The following RSRC2 variants were observed in gnomAD, a reference collection of about 807,000 sequenced individuals.
RSRC2 encodes the protein arginine/serine-rich coiled-coil protein 2.
In RSRC2, 5 loss-of-function variants were observed where a neutral mutation model predicts 61.3. The observed-to-expected ratio is 0.08, with a 90% confidence interval of 0.04 to 0.17. RSRC2 has a LOEUF of 0.17. Ranked by LOEUF, RSRC2 falls within the 10% of genes least tolerant of loss-of-function variation. RSRC2 has a pLI of 1.00. For missense variants in RSRC2, 381 were observed against 518.8 expected, an observed-to-expected ratio of 0.73 and a Z score of 2.58; for synonymous variants, 202 against 166.5, an observed-to-expected ratio of 1.21 and a Z score of -1.64.
chr12:122,514,596 AAAG>A, intron 6 of RSRC2: 1 of 1,039,100 alleles, frequency 9.6e-7, no homozygotes, highest in Non-Finnish European at 1.2e-6. Context: ...AAAAAAAAAA[AAAG>A]TTCTCCCATA....
rs899142539 is a variant in RSRC2 at position 122,504,121 on chromosome 12, C to CAAGACTT, written c.*1399_*1405dup. The CAAGACTT allele has an allele frequency of 6.6e-6, 1 of 152,152 alleles. No homozygotes were observed. Among genetic ancestry groups the CAAGACTT allele is most frequent in the African/African-American group, 2.4e-5 (1 of 41,422 alleles). 9.4% of individuals were successfully genotyped at this position (152,152 alleles called of 1,614,324 possible). On this transcript the variant is annotated 3_prime_UTR_variant, in exon 10 of 10. Coordinates refer to ENST00000331738, the MANE Select transcript of RSRC2 (RefSeq NM_023012.6). The stretch of plus-strand genomic sequence containing the variant: ...AAAAAATACCTAATGAGCAAGTTGG[C>CAAGACTT]AAGACTTAATTCCAGCTTTTAAAAT...
chr12:122,514,571 A>G (rs1208814145), intron 6 of RSRC2: 2 of 1,040,516 alleles, frequency 1.9e-6, no homozygotes, highest in Non-Finnish European at 1.2e-6. Flanking sequence ...CGGCCGAAAC[A>G]GCAGAAAATT....
At chr12:122,522,358 T>C in intron 1 of RSRC2, 59 bp from the exon 2 acceptor site, 1 of 1,459,942 alleles carries the variant, frequency 6.8e-7, no homozygotes, top group Non-Finnish European at 9.1e-7. Context: ...GTTTTCAATT[T>C]CTTAAAAGAG....
chr12:122,514,266 G>T lies in RSRC2; in HGVS notation c.725+839C>A, dbSNP rs1220346980. 7.7e-3 allele frequency among the ~76,000 whole-genome samples: 1,062 copies of T among 137,260 alleles called. 4 individuals are homozygous for T. The highest frequency in any genetic ancestry group is 0.011 in the African/African-American group (402 of 37,026). The allele number at this position is 137,260 out of a possible 152,430, so 90.0% of individuals were successfully genotyped here. On this transcript the variant is annotated intron_variant, in intron 6 of 9. Coordinates refer to ENST00000331738, the MANE Select transcript of RSRC2 (RefSeq NM_023012.6). Reference sequence around the variant, plus strand: ...AATTTATTTTTGTGTGTGTGTGTGTGTGTGTTTTTTTTTTTTGAGACTGAG... The same window carrying T: ...AATTTATTTTTGTGTGTGTGTGTGTTTGTGTTTTTTTTTTTTGAGACTGAG...
At chr12:122,521,189 G>A (rs1022888887) in intron 3 of RSRC2, 196 bp downstream of exon 3, 3 of 459,822 alleles carry the variant, frequency 6.5e-6, no homozygotes, top group Admixed American at 7.3e-5. Flanking sequence ...TAAAATTAAA[G>A]TTTTGAAGGT....
chr12:122,516,674 A>G (rs11613678), intron 5 of RSRC2, among the ~76,000 whole-genome samples: 1 of 152,196 alleles, frequency 6.6e-6, no homozygotes, highest in Non-Finnish European at 1.5e-5. Flanking sequence ...AATTAATACA[A>G]CAAATCCAGT....
In RSRC2 at chr12:122,522,158, T is replaced by C; in HGVS notation, c.148A>G (p.Arg50Gly). ...YSRSRSRSRE[R>G]KRKSDNEGRK... ...GAATTCATACCTGACTTTCGTTTTC[T>C]TTCTCTTGACCTTGATCGTGATCTT... Residue 50 changes from arginine (R) to glycine (G), a missense_variant, in exon 2 of 10, where the codon AGA becomes GGA. Physicochemically the swap from Arg to Gly is moderately radical, Grantham distance 125. Transcript: ENST00000331738. 6.2e-7 allele frequency: 1 copy of C among 1,610,498 alleles called. No homozygotes were observed. The highest frequency in any genetic ancestry group is 1.1e-5 in the South Asian group (1 of 90,252).
chr12:122,522,106 A>G (rs1959286919), intron 2 of RSRC2, 37 bp downstream of exon 2: 4 of 1,580,504 alleles, frequency 2.5e-6, no homozygotes. Flanking sequence ...ATCTTATACA[A>G]ATGCTGAGAG....
rs1444568138 is a variant in RSRC2, at chr12:122,515,139, T to C, written c.691A>G (p.Thr231Ala). 1 of 1,614,172 alleles carries C rather than the reference T, an allele frequency of 6.2e-7. No individual in the cohort carries two copies. The highest frequency in any genetic ancestry group is 8.5e-7 in the Non-Finnish European group (1 of 1,180,004). The change falls in exon 6 of 10, where the codon ACA becomes GCA. Residue 231 changes from threonine to alanine, a missense_variant. Physicochemically the swap from Thr to Ala is moderately conservative, Grantham distance 58 (BLOSUM62 0). Around this residue, in one of 4 missense-constraint regions of RSRC2, gnomAD observed 11 missense variants for 37.8 expected, o/e 0.29. Transcript: ENST00000331738. ...AAAGCTTCCTGTGCATCCATTGCTG[T>C]GTTTCTGCCTCTGAAGGGAGGTGGA... ...PSPPPFRGRN[T>A]AMDAQEALAR... is the part of the protein sequence containing the mutation.
intron 6 of RSRC2, chr12:122,513,825 A>G: frequency 1.0e-5 from 10 of 985,338 alleles, no homozygotes; most frequent in Non-Finnish European, 1.2e-5. Context: ...GAAGCACATC[A>G]GGTTACACTG....
At chr12:122,508,118 CA>C (rs1958249894) in intron 8 of RSRC2, 99 bp downstream of exon 8, 1 of 1,133,314 alleles carries the variant, frequency 8.8e-7, no homozygotes, top group Non-Finnish European at 1.3e-6. Flanking sequence ...CAGGTTCTTA[CA>C]AAGTTAAGCC....
chr12:122,518,028 G>C (rs1370715320), intron 4 of RSRC2, among the ~76,000 whole-genome samples: 1 of 152,164 alleles, frequency 6.6e-6, no homozygotes, highest in African/African-American at 2.4e-5. Context: ...TGGGCAGAGT[G>C]ACTCACTCCT....
intron 5 of RSRC2, among the ~76,000 whole-genome samples, chr12:122,516,087 A>G (rs867787375): frequency 3.3e-5 from 5 of 152,222 alleles, no homozygotes; most frequent in Admixed American, 1.3e-4. Context: ...TATAAACTAG[A>G]ACCACTGAGT....
At chr12:122,513,573 G>A (rs1459303401) in intron 6 of RSRC2, among the ~76,000 whole-genome samples, 2 of 152,050 alleles carry the variant, frequency 1.3e-5, no homozygotes, top group African/African-American at 2.4e-5. Flanking sequence ...GTAAATAAGA[G>A]CTTAAAAAAT....
At chr12:122,520,991 G>C (rs538155831) in intron 3 of RSRC2, 4 of 215,054 alleles carry the variant, frequency 1.9e-5, no homozygotes, top group Non-Finnish European at 3.8e-5. Flanking sequence ...CGTTCATAAG[G>C]AAAAAGCAGC....
chr12:122,508,128 C>A (rs770869383), intron 8 of RSRC2, 90 bp downstream of exon 8: 3 of 1,203,920 alleles, frequency 2.5e-6, no homozygotes, highest in Non-Finnish European at 2.4e-6. Context: ...CAAAGTTAAG[C>A]CGAAAGTAAT....
At chr12:122,510,253 C>T (rs1013188923) in intron 7 of RSRC2, among the ~76,000 whole-genome samples, 8 of 151,596 alleles carry the variant, frequency 5.3e-5, no homozygotes, top group African/African-American at 9.7e-5. Flanking sequence ...CATCTGGGGC[C>T]GGGCGTGGTG....
rs1286382325 is a variant in RSRC2, at chr12:122,515,346, C to CA, written c.603-120dup. 8 of 949,328 alleles carry CA rather than the reference C, an allele frequency of 8.4e-6. No homozygotes were observed. The Admixed American group carries it at 1.8e-4, about 22-fold the overall frequency. 58.8% of individuals were successfully genotyped at this position (949,328 alleles called of 1,614,324 possible). On this transcript the variant is annotated intron_variant, in intron 5 of 9. Transcript: ENST00000331738. ...ATACAAAAACATTTAGTTTGAGATG[C>CA]AAAAGATTTAAAACATCAGTGTTAC... is the stretch of plus-strand genomic sequence containing the variant.
At chr12:122,512,398 T>C (rs956990736) in intron 6 of RSRC2, among the ~76,000 whole-genome samples, 71 of 152,122 alleles carry the variant, frequency 4.7e-4, no homozygotes, top group African/African-American at 1.2e-3. Context: ...CTATGGGTAA[T>C]ACAATGCAGG....
Sources: allele counts gnomAD v4.1 joint callset (sites outside exome capture counted in the v4.1 genomes callset), GRCh38; gene constraint gnomAD v4.1.1; regional missense constraint gnomAD v4.1.1; transcripts MANE v1.5; gene names NCBI Gene and HGNC (gene_info 2026-07-23, HGNC 2026-07-21).